Variants in ANKRD26 observed in about 807,000 individuals in gnomAD.
ANKRD26 encodes ankyrin repeat domain 26.
A neutral mutation model predicts 208.7 loss-of-function variants in ANKRD26; 141 were observed. The ratio of observed to expected loss-of-function variants is 0.68; its 90% CI spans 0.59 to 0.78. The LOEUF (loss-of-function observed/expected upper bound fraction) is 0.78. ANKRD26 is among the 30% of genes least tolerant of loss of function. The probability of loss-of-function intolerance (pLI) is 0.00; values close to 1 mark genes in which losing one functional copy is unlikely to be tolerated. For synonymous variants in ANKRD26, 636 were observed against 660.4 expected (o/e 0.96, Z 0.57); for missense variants, 1,889 against 1,938.7 (o/e 0.97, Z 0.48).
At chr10:26,948,213 T>C in the ANKRD26 span, among the ~76,000 whole-genome samples, 1 of 152,232 alleles carries the variant, frequency 6.6e-6, no homozygotes, top group African/African-American at 2.4e-5. Context: ...AGTAGAAACA[T>C]TTTTAAACAT....
rs560876746 is a variant in ANKRD26 at position 27,017,702 on chromosome 10, A to T, written c.4306T>A (p.Ser1436Thr). The change falls in exon 30 of 34, where the codon TCT becomes ACT. Residue 1436 changes from serine to threonine, a missense_variant. Around this residue, in one of 3 missense-constraint regions of ANKRD26, gnomAD observed 613 missense variants for 648.2 expected, o/e 0.95. Transcript: ENST00000376087. ...KNQILQEELL[S>T]MKTVQKKCEK... ...CATTTCTTTTGTACTGTTTTCATAG[A>T]TAACAACTCCTCTTGAAGAATTTGG... 3 of 1,613,142 alleles carry T rather than the reference A, an allele frequency of 1.9e-6. No individual in the cohort carries two copies. The African/African-American group carries it at 4.0e-5, about 22-fold the overall frequency.
Position 27,096,880 on chromosome 10 carries a change from C to T in ANKRD26, c.243-3081G>A, listed in dbSNP as rs186258694. Among the ~76,000 whole-genome samples the T allele has an allele frequency of 1.2e-3, 177 of 151,746 alleles. 1 individual carries two copies. Among genetic ancestry groups the T allele is most frequent in the African/African-American group, 4.0e-3 (166 of 41,394 alleles). On this transcript the variant is annotated intron_variant, in intron 1 of 33. Transcript: ENST00000376087. ...TCTACCACATTTTATTAAAATACTA[C>T]GCACTTACATTAATATGCTTATAAC...
the ANKRD26 span, among the ~76,000 whole-genome samples, chr10:26,957,226 G>A: frequency 6.6e-6 from 1 of 152,066 alleles, no homozygotes; most frequent in African/African-American, 2.4e-5. Flanking sequence ...TGGGCAACAT[G>A]GCTGTACAAA....
chr10:27,062,757 A>ACTTT (rs199892298), intron 12 of ANKRD26, among the ~76,000 whole-genome samples: 24 of 148,790 alleles, frequency 1.6e-4, no homozygotes, highest in African/African-American at 5.4e-4. Context: ...ATGAAGTAAC[A>ACTTT]CTTTCTTTCT....
the ANKRD26 span, among the ~76,000 whole-genome samples, chr10:26,958,012 T>C: frequency 6.6e-6 from 1 of 151,810 alleles, no homozygotes; most frequent in Non-Finnish European, 1.5e-5. Flanking sequence ...TGTGTAGGTT[T>C]GCTACATAGG....
intron 9 of ANKRD26, among the ~76,000 whole-genome samples, chr10:27,076,446 G>A: frequency 6.6e-6 from 1 of 151,996 alleles, no homozygotes; most frequent in East Asian, 1.9e-4. Context: ...TGTATTTTTA[G>A]TAGAGACGGA....
rs865962838 is a variant in ANKRD26 at position 27,048,915 on chromosome 10, C to T, written c.1700G>A (p.Gly567Asp). The T allele has an allele frequency of 6.2e-7, 1 of 1,611,808 alleles. No individual in the cohort carries two copies. The highest frequency in any genetic ancestry group is 8.5e-7 in the Non-Finnish European group (1 of 1,178,806). The change falls in exon 17 of 34, where the codon GGT (glycine) becomes GAT (aspartate). Residue 567 changes from glycine to aspartate, a missense_variant. By Grantham distance (94) the Gly-to-Asp change is moderately conservative. This residue lies in a region of ANKRD26 where 1,272 missense variants were observed against 1,273.8 expected (regional missense o/e 1.00). Transcript: ENST00000376087. ...EMEVSANIHDGATDDAEDDDD... is the reference protein window; with the variant it reads ...EMEVSANIHDDATDDAEDDDD... ...ATCATCTTCAGCATCATCAGTAGCA[C>T]CATCATGTATGTTTGCTGATACTTC...
intron 6 of ANKRD26, chr10:27,081,040 G>A (rs2135606123): frequency 1.3e-6 from 1 of 755,684 alleles, no homozygotes. Flanking sequence ...GATAAGTTGA[G>A]GCAGAAGTAG....
chr10:27,085,425 G>C (rs1297008408), intron 5 of ANKRD26, among the ~76,000 whole-genome samples: 1 of 152,092 alleles, frequency 6.6e-6, no homozygotes, highest in Non-Finnish European at 1.5e-5. Context: ...TTCTAACGAA[G>C]TAAATGTATC....
At chr10:26,953,881 T>C in the ANKRD26 span, among the ~76,000 whole-genome samples, 2 of 152,180 alleles carry the variant, frequency 1.3e-5, no homozygotes, top group African/African-American at 2.4e-5. Context: ...TGCTGGGACG[T>C]GCATCAAGCA....
At chr10:27,086,926 T>C (rs2056144225) in intron 4 of ANKRD26, among the ~76,000 whole-genome samples, 2 of 151,842 alleles carry the variant, frequency 1.3e-5, no homozygotes, top group African/African-American at 4.8e-5. Context: ...TACCCGTCAC[T>C]ACGCTCAGCT....
intron 29 of ANKRD26, among the ~76,000 whole-genome samples, chr10:27,019,837 C>T (rs1290697043): frequency 2.6e-5 from 4 of 152,072 alleles, no homozygotes; most frequent in African/African-American, 7.2e-5. Flanking sequence ...AACAAAGTAC[C>T]CAAAATTTAT....
intron 22 of ANKRD26, 151 bp downstream of exon 22, chr10:27,037,720 A>C: frequency 5.9e-6 from 4 of 675,258 alleles, no homozygotes; most frequent in Non-Finnish European, 7.2e-6. Context: ...GCCAAGATTT[A>C]TCATGAATAA....
rs2055049458 is a variant in ANKRD26, at chr10:27,061,370, T to A, written c.1364-128A>T. 9 of 587,576 alleles carry A rather than the reference T, an allele frequency of 1.5e-5. No homozygotes were observed. In the South Asian group the frequency reaches 2.1e-4, roughly 14 times the overall value. 36.4% of individuals were successfully genotyped at this position (587,576 alleles called of 1,614,324 possible). A position where few individuals can be genotyped will look rare whatever the true frequency, so the allele number is the denominator to read the frequency against. On this transcript the variant is annotated intron_variant, in intron 12 of 33. Coordinates refer to ENST00000376087, the MANE Select transcript of ANKRD26 (RefSeq NM_014915.3). Reference sequence around the variant, plus strand: ...AATTAGTGCAGTTTTTTAAAATCAATGCAGTGTTTATTTAAAATAACAATT... The same window carrying A: ...AATTAGTGCAGTTTTTTAAAATCAAAGCAGTGTTTATTTAAAATAACAATT...
chr10:27,046,513 C>T lies in ANKRD26; in HGVS notation c.1825G>A (p.Ala609Thr). 1 of 1,613,556 alleles carries T rather than the reference C, an allele frequency of 6.2e-7. No individual in the cohort carries two copies. Among genetic ancestry groups the T allele is most frequent in the East Asian group, 2.2e-5 (1 of 44,834 alleles). The change falls in exon 18 of 34, where the codon GCC (alanine) becomes ACC (threonine). Residue 609 changes from alanine to threonine, a missense_variant. Coordinates refer to ENST00000376087, the MANE Select transcript of ANKRD26 (RefSeq NM_014915.3). ...CTCTTTACTTCCTTCATTTGCAAGGCAGGACCACTACTTTAAAAAATCCAT... is the reference window on the plus strand; with the variant it reads ...CTCTTTACTTCCTTCATTTGCAAGGTAGGACCACTACTTTAAAAAATCCAT... Reference protein sequence around the residue: ...ENKEYASSGPALQMKEVKSTE... With the variant: ...ENKEYASSGPTLQMKEVKSTE...
At chr10:27,008,019 T>A (rs1206409916) in intron 32 of ANKRD26, among the ~76,000 whole-genome samples, 1 of 151,982 alleles carries the variant, frequency 6.6e-6, no homozygotes, top group Admixed American at 6.5e-5. Context: ...ACCAATTTTT[T>A]AAATATCTAA....
chr10:27,081,382 C>T (rs145388195), intron 6 of ANKRD26, among the ~76,000 whole-genome samples: 76 of 152,138 alleles, frequency 5.0e-4, no homozygotes, highest in African/African-American at 4.6e-4. Context: ...TTTCCTTTTC[C>T]GCTGGGTTCA....
intron 16 of ANKRD26, chr10:27,052,030 T>A (rs1467119548): frequency 8.1e-6 from 8 of 985,268 alleles, no homozygotes; most frequent in Non-Finnish European, 9.6e-6. Context: ...CACTCCTTAT[T>A]CAGTTCTGGT....
chr10:26,958,331 C>T, the ANKRD26 span, among the ~76,000 whole-genome samples: 1 of 152,104 alleles, frequency 6.6e-6, no homozygotes, highest in African/African-American at 2.4e-5. Context: ...AGTGATCTGC[C>T]TGCCTTGGCC....
Sources: allele counts gnomAD v4.1 joint callset (sites outside exome capture counted in the v4.1 genomes callset), GRCh38; gene constraint gnomAD v4.1.1; regional missense constraint gnomAD v4.1.1; transcripts MANE v1.5; gene names NCBI Gene and HGNC (gene_info 2026-07-23, HGNC 2026-07-21).